Variants in PLD5 observed in about 807,000 individuals in gnomAD.
PLD5 encodes the protein phospholipase D family member 5, also known as inactive phospholipase D5.
PLD5 carries 36 observed loss-of-function variants against 61.1 expected under a neutral mutation model. The observed-to-expected ratio is 0.59, with a 90% CI of 0.45 to 0.78. PLD5 has a LOEUF of 0.78. Ranked by LOEUF, PLD5 falls within the 30% of genes least tolerant of loss-of-function variation. The pLI, the probability that PLD5 is intolerant of heterozygous loss-of-function variation, is 0.00. For synonymous variants in PLD5, 243 were observed against 242.8 expected (o/e 1.00, Z -0.01); for missense variants, 515 against 644.4 (o/e 0.80, Z 2.17).
At chr1:242,499,388 A>G (rs1410723997) in intron 1 of PLD5, among the ~76,000 whole-genome samples, 1 of 152,218 alleles carries the variant, frequency 6.6e-6, no homozygotes, top group Non-Finnish European at 1.5e-5. Context: ...TTTGGAAGTG[A>G]AATCTACCAA....
chr1:242,486,101 C>G (rs1179194930), intron 1 of PLD5, among the ~76,000 whole-genome samples: 1 of 152,024 alleles, frequency 6.6e-6, no homozygotes, highest in African/African-American at 2.4e-5. Context: ...AGACCTAAAA[C>G]CATAAAAACC....
chr1:242,253,115 CTTTTTTTTTTTT>C, intron 4 of PLD5, among the ~76,000 whole-genome samples: 1 of 73,198 alleles, frequency 1.4e-5, no homozygotes, highest in East Asian at 3.9e-4. Flanking sequence ...GTGTATGGCC[CTTTTTTTTTTTT>C]TTTTTTTTTT....
chr1:242,392,857 C>T (rs898847361), intron 1 of PLD5, among the ~76,000 whole-genome samples: 4 of 152,064 alleles, frequency 2.6e-5, no homozygotes, highest in African/African-American at 7.2e-5. Context: ...TATCTCCACT[C>T]GATTAGAGGA....
At chr1:242,194,610 CTATCTATG>C (rs1463433762) in intron 5 of PLD5, among the ~76,000 whole-genome samples, 43 of 78,548 alleles carry the variant, frequency 5.5e-4, no homozygotes, top group East Asian at 1.4e-3. Flanking sequence ...ATCTATGTAT[CTATCTATG>C]TATCTATCTA....
chr1:242,517,428 C>T (rs996308561), intron 1 of PLD5, among the ~76,000 whole-genome samples: 2 of 152,182 alleles, frequency 1.3e-5, no homozygotes, highest in African/African-American at 4.8e-5. Flanking sequence ...TTTTCTTCCT[C>T]TGTTGAGATA....
intron 4 of PLD5, among the ~76,000 whole-genome samples, chr1:242,249,432 C>T (rs1447199456): frequency 6.6e-6 from 1 of 152,210 alleles, no homozygotes; most frequent in Non-Finnish European, 1.5e-5. Context: ...TCTTTATAAA[C>T]TACCCAGTCT....
In PLD5 at chr1:242,089,411, C is replaced by A; in HGVS notation, c.*443G>T. On this transcript the variant is annotated 3_prime_UTR_variant, in exon 10 of 10. Transcript: ENST00000536534. The stretch of plus-strand genomic sequence containing the variant: ...CTGTGTAGGTCTTGGAGACGATTTA[C>A]AAGAATAAACACTTGGTTTTATCAG... The A allele has an allele frequency of 2.5e-6, 1 of 397,970 alleles. No individual in the cohort carries two copies. The highest frequency in any genetic ancestry group is 3.6e-5 in the East Asian group (1 of 27,984). 24.7% of individuals were successfully genotyped at this position (397,970 alleles called of 1,614,324 possible).
chr1:242,090,532 G>A (rs1422077629), intron 9 of PLD5, among the ~76,000 whole-genome samples: 1 of 152,212 alleles, frequency 6.6e-6, no homozygotes, highest in Non-Finnish European at 1.5e-5. Flanking sequence ...ATAAGTCCCT[G>A]AAGCTTTCAC....
chr1:242,121,980 C>T (rs147330458), intron 6 of PLD5, among the ~76,000 whole-genome samples: 3,354 of 151,802 alleles, frequency 0.022, 80 homozygotes, highest in East Asian at 0.081. Context: ...TTAGGAGATA[C>T]ACCTAATGTA....
chr1:242,173,157 A>G lies in PLD5; in HGVS notation c.735+46831T>C, dbSNP rs1197663005. 2.6e-5 allele frequency among the ~76,000 whole-genome samples: 4 copies of G among 152,282 alleles called. No individual in the cohort carries two copies. The East Asian group carries it at 7.7e-4, about 29-fold the overall frequency. On this transcript the variant is annotated intron_variant, in intron 5 of 9. Coordinates refer to ENST00000536534, the MANE Select transcript of PLD5 (RefSeq NM_001372062.1). ...CATGATTGTATATCTAGAAAACCCC[A>G]TCGTCTCAGCCCAAAATCTCCTTAA...
At chr1:242,210,127 G>C (rs971764324) in intron 5 of PLD5, among the ~76,000 whole-genome samples, 4 of 152,150 alleles carry the variant, frequency 2.6e-5, no homozygotes, top group African/African-American at 9.7e-5. Flanking sequence ...AGCTCTTAAT[G>C]ATGAACCTCA....
chr1:242,175,873 A>G (rs1236870238), intron 5 of PLD5, among the ~76,000 whole-genome samples: 3 of 151,826 alleles, frequency 2.0e-5, no homozygotes, highest in African/African-American at 7.2e-5. Flanking sequence ...AATAGAACTT[A>G]CCAAGGGGTG....
intron 5 of PLD5, among the ~76,000 whole-genome samples, chr1:242,175,962 C>A (rs561609237): frequency 6.6e-6 from 1 of 152,258 alleles, no homozygotes; most frequent in South Asian, 2.1e-4. Context: ...AAAAACATCC[C>A]ATGCTCATGG....
At chr1:242,437,904 T>C (rs7523378) in intron 1 of PLD5, among the ~76,000 whole-genome samples, 9,937 of 152,266 alleles carry the variant, frequency 0.065, 938 homozygotes, top group African/African-American at 0.21. Flanking sequence ...CATGCTGTCA[T>C]CACTGTGCTA....
chr1:242,177,876 T>C (rs1255322248), intron 5 of PLD5: 3 of 152,178 alleles, frequency 2.0e-5, no homozygotes, highest in Non-Finnish European at 4.4e-5. Context: ...TACAAACCCA[T>C]CTGGGACACA....
Position 242,089,721 on chromosome 1 carries a change from T to A in PLD5, c.*133A>T. On this transcript the variant is annotated 3_prime_UTR_variant, in exon 10 of 10. Transcript: ENST00000536534. ...GATATTGTTAGATAGGTATTATGTG[T>A]TGTTCAGAGAATATTTTTTATAAGT... 1.7e-6 allele frequency: 2 copies of A among 1,161,050 alleles called. No individual in the cohort carries two copies. The highest frequency in any genetic ancestry group is 2.5e-6 in the Non-Finnish European group (2 of 810,704). The allele number at this position is 1,161,050 out of a possible 1,614,324, so 71.9% of individuals were successfully genotyped here.
chr1:242,252,746 C>T (rs937447849), intron 4 of PLD5, among the ~76,000 whole-genome samples: 9 of 151,454 alleles, frequency 5.9e-5, no homozygotes, highest in Non-Finnish European at 7.4e-5. Context: ...TGGGATCCCT[C>T]GGAATTATAA....
In PLD5 at chr1:242,086,077, A is replaced by G. The variant is rs1039082996; in HGVS notation, c.*3777T>C. 6.6e-6 allele frequency: 1 copy of G among 152,190 alleles called. No individual in the cohort carries two copies. The highest frequency in any genetic ancestry group is 1.5e-5 in the Non-Finnish European group (1 of 68,042). 9.4% of individuals were successfully genotyped at this position (152,190 alleles called of 1,614,324 possible). ...ATGAGCTTCTATCCATCCCAGGTTCATCGAGGCACTTAAACCATTAACTGC... is the reference window on the plus strand; with the variant it reads ...ATGAGCTTCTATCCATCCCAGGTTCGTCGAGGCACTTAAACCATTAACTGC... On this transcript the variant is annotated 3_prime_UTR_variant, in exon 10 of 10. Transcript: ENST00000536534.
At chr1:242,345,743 T>C (rs2149217384) in intron 2 of PLD5, 2 of 644,250 alleles carry the variant, frequency 3.1e-6, no homozygotes, top group African/African-American at 1.8e-5. Flanking sequence ...ATGAGAATAA[T>C]CCAGAAAAGG....
Sources: allele counts gnomAD v4.1 joint callset (sites outside exome capture counted in the v4.1 genomes callset), GRCh38; gene constraint gnomAD v4.1.1; transcripts MANE v1.5; gene names NCBI Gene and HGNC (gene_info 2026-07-23, HGNC 2026-07-21).